Variants in JUP observed in about 807,000 individuals in gnomAD.
The protein encoded by JUP is catenin (cadherin-associated protein), gamma 80kDa.
A neutral mutation model predicts 71.1 loss-of-function variants in JUP; 28 were observed. That is an observed-to-expected ratio of 0.39 (90% CI 0.29 to 0.54). JUP has a LOEUF of 0.54. Among genes scored for constraint, JUP ranks in the 20% least tolerant of loss-of-function variants. The pLI, the probability that JUP is intolerant of heterozygous loss-of-function variation, is 0.62. For synonymous variants in JUP, 401 were observed against 438.9 expected (o/e 0.91, Z 1.08); for missense variants, 869 against 1,030.1 (o/e 0.84, Z 2.14).
intron 8 of JUP, among the ~76,000 whole-genome samples, chr17:41,761,174 C>T (rs1914744248): frequency 6.6e-6 from 1 of 152,228 alleles, no homozygotes. Context: ...CTCCTTCACA[C>T]ACCCAACTCC....
chr17:41,763,398 G>T, intron 7 of JUP, 77 bp from the exon 8 acceptor site: 2 of 1,115,394 alleles, frequency 1.8e-6, no homozygotes, highest in Non-Finnish European at 1.3e-6. Flanking sequence ...TCCAAGGGGA[G>T]TGGGATGACC....
At chr17:41,763,349 T>C (rs1915202501) in intron 7 of JUP, 28 bp from the exon 8 acceptor site, 1 of 1,574,918 alleles carries the variant, frequency 6.3e-7, no homozygotes, top group Admixed American at 1.7e-5. Flanking sequence ...GACGGGGGAG[T>C]CAGGGAGCAG....
At position 41,755,384 on chromosome 17, in the gene JUP, G is replaced by C. The variant is rs1555597055; in HGVS notation, c.*360C>G. On this transcript the variant is annotated 3_prime_UTR_variant, in exon 14 of 14. Coordinates refer to ENST00000393931, the MANE Select transcript of JUP (RefSeq NM_002230.4). ...GCTTCCCCAGCTCAGGCACTTTTCT[G>C]TCTTGCCCCATCGCCTGCACGGAGA... 2 of 409,670 alleles carry C rather than the reference G, an allele frequency of 4.9e-6. No individual in the cohort carries two copies. Among genetic ancestry groups the C allele is most frequent in the Non-Finnish European group, 4.3e-6 (1 of 232,768 alleles). The allele number at this position is 409,670 out of a possible 1,614,324, so 25.4% of individuals were successfully genotyped here. A position where few individuals can be genotyped will look rare whatever the true frequency, so the allele number is the denominator to read the frequency against.
At chr17:41,767,235 G>A (rs1200110140) in intron 5 of JUP, 144 bp downstream of exon 5, 1 of 675,866 alleles carries the variant, frequency 1.5e-6, no homozygotes, top group Non-Finnish European at 2.6e-6. Context: ...ATAATTCTGG[G>A]CAATTCAGTC....
chr17:41,767,366 G>T lies in JUP; in HGVS notation c.909+13C>A, dbSNP rs1265947872. 1.9e-6 allele frequency: 3 copies of T among 1,612,440 alleles called. No individual in the cohort carries two copies. The highest frequency in any genetic ancestry group is 2.5e-6 in the Non-Finnish European group (3 of 1,178,806). On this transcript the variant is annotated intron_variant, in intron 5 of 13. Transcript: ENST00000393931. ...GTGGGCTTCAGGCCTCGGGAGAGTTGGGGAGGGCCCACCTTGCTCTCCTGG... is the reference window on the plus strand; with the variant it reads ...GTGGGCTTCAGGCCTCGGGAGAGTTTGGGAGGGCCCACCTTGCTCTCCTGG...
chr17:41,762,459 T>C (rs928681018), intron 8 of JUP, among the ~76,000 whole-genome samples: 1 of 152,070 alleles, frequency 6.6e-6, no homozygotes, highest in Admixed American at 6.6e-5. Context: ...GATGCAATCA[T>C]AGCTCACTGT....
chr17:41,764,641 G>C, intron 7 of JUP, 72 bp downstream of exon 7: 1 of 1,243,550 alleles, frequency 8.0e-7, no homozygotes, highest in Non-Finnish European at 1.2e-6. Flanking sequence ...AGTACCTCAG[G>C]TCAGATGCCC....
intron 2 of JUP, among the ~76,000 whole-genome samples, chr17:41,770,358 G>C (rs1377862728): frequency 2.0e-5 from 3 of 152,182 alleles, no homozygotes; most frequent in African/African-American, 4.8e-5. Context: ...GAGTCCCACA[G>C]GTAGGTGCCC....
At chr17:41,780,603 G>C (rs1465864717) in intron 1 of JUP, among the ~76,000 whole-genome samples, 2 of 152,030 alleles carry the variant, frequency 1.3e-5, no homozygotes, top group Non-Finnish European at 2.9e-5. Context: ...GATGAGGCAG[G>C]AGAATTGCTT....
At chr17:41,785,148 A>T (rs1189122248) in intron 1 of JUP, 2 of 152,138 alleles carry the variant, frequency 1.3e-5, no homozygotes, top group Non-Finnish European at 2.9e-5. Context: ...AGGCCTCCAG[A>T]AAGCATGCAC....
chr17:41,760,749 C>T (rs574577835), intron 8 of JUP, among the ~76,000 whole-genome samples: 3 of 151,804 alleles, frequency 2.0e-5, no homozygotes, highest in Admixed American at 2.0e-4. Flanking sequence ...TTTGTGGAGG[C>T]GGGGACTTAC....
At position 41,769,166 on chromosome 17, in the gene JUP, C is replaced by G; in HGVS notation, c.510G>C (p.Ser170=). 2 of 1,604,246 alleles carry G rather than the reference C, an allele frequency of 1.2e-6. No homozygotes were observed. The highest frequency in any genetic ancestry group is 1.7e-4 in the Middle Eastern group (1 of 5,930). ...TKAAMIVNQL[S]KKEASRRALM... is the part of the protein sequence containing the mutation. ...GGGCCCGCCGCGACGCCTCCTTCTT[C>G]GACAGCTGGTTCACAATCATGGCCG... Residue 170 remains serine, a synonymous_variant, in exon 4 of 14, where the codon TCG becomes TCC. Transcript: ENST00000393931.
At chr17:41,767,312 G>A (rs1915886581) in intron 5 of JUP, 67 bp downstream of exon 5, 1 of 1,371,728 alleles carries the variant, frequency 7.3e-7, no homozygotes, top group Non-Finnish European at 1.0e-6. Context: ...AGCGGCCCAA[G>A]GCTGTGCAGG....
chr17:41,782,253 C>A (rs1462510313), intron 1 of JUP, among the ~76,000 whole-genome samples: 1 of 152,204 alleles, frequency 6.6e-6, no homozygotes, highest in East Asian at 1.9e-4. Context: ...AGGCAGCACA[C>A]ATGACCCCCA....
At chr17:41,766,650 T>C (rs1179260639) in intron 5 of JUP, among the ~76,000 whole-genome samples, 1 of 151,422 alleles carries the variant, frequency 6.6e-6, no homozygotes, top group African/African-American at 2.4e-5. Context: ...AGGTCAAGAG[T>C]TCGAGACCAG....
At chr17:41,769,796 AC>A in intron 2 of JUP, 119 bp from the exon 3 acceptor site, 3 of 1,137,258 alleles carry the variant, frequency 2.6e-6, no homozygotes, top group African/African-American at 1.5e-5. Context: ...CCCTGCCCAA[AC>A]CCCCAGCACA....
rs397517297 is a variant in JUP, at chr17:41,758,461, C to A, written c.1711G>T (p.Ala571Ser). The A allele has an allele frequency of 4.3e-6, 7 of 1,614,054 alleles. No homozygotes were observed. The highest frequency in any genetic ancestry group is 5.9e-6 in the Non-Finnish European group (7 of 1,180,006). ...EGCTGALHIL[A>S]RDPMNRMEIF... is the part of the protein sequence containing the mutation. The stretch of plus-strand genomic sequence containing the variant: ...TCCATGCGGTTCATGGGGTCCCGGG[C>A]GAGGATGTGCAGTGCTCCGGTGCAG... The change falls in exon 10 of 14, where the codon GCC (alanine) becomes TCC (serine). Residue 571 changes from alanine to serine, a missense_variant. Ala to Ser is a moderately conservative substitution (Grantham distance 99, BLOSUM62 1). Transcript: ENST00000393931.
intron 1 of JUP, among the ~76,000 whole-genome samples, chr17:41,774,201 C>T (rs755686855): frequency 6.6e-6 from 1 of 151,664 alleles, no homozygotes; most frequent in Non-Finnish European, 1.5e-5. Context: ...AGACAGCTAC[C>T]CAGGGAGAGA....
At chr17:41,772,201 C>T (rs1382246790) in intron 1 of JUP, 6 of 411,348 alleles carry the variant, frequency 1.5e-5, no homozygotes, top group Non-Finnish European at 9.2e-6. Flanking sequence ...ACCTTGCTGC[C>T]CTGACCCAAC....
Sources: allele counts gnomAD v4.1 joint callset (sites outside exome capture counted in the v4.1 genomes callset), GRCh38; gene constraint gnomAD v4.1.1; transcripts MANE v1.5; gene names NCBI Gene and HGNC (gene_info 2026-07-23, HGNC 2026-07-21).